MAVS: variants seen among roughly 807,000 people sequenced by gnomAD.
The protein encoded by MAVS is mitochondrial antiviral-signaling protein.
In MAVS, 20 loss-of-function variants were observed where a neutral mutation model predicts 30.2. The observed-to-expected ratio is 0.66, with a 90% CI of 0.47 to 0.96. The LOEUF (loss-of-function observed/expected upper bound fraction) is 0.96, where lower values mean the gene tolerates loss of function less well. MAVS is among the 40% of genes least tolerant of loss of function. MAVS has a pLI of 0.00. For synonymous variants in MAVS, 278 were observed against 293.9 expected (o/e 0.95, Z 0.55); for missense variants, 624 against 701.1 (o/e 0.89, Z 1.24).
Position 3,866,797 on chromosome 20 carries a change from G to A in MAVS, c.*650G>A. ...CAGCTGTCAGGCCTGAGGAAGACCT[G>A]TGGAGCTCCTCTCCAGCCTCCTCTT... On this transcript the variant is annotated 3_prime_UTR_variant, in exon 7 of 7. Transcript: ENST00000428216. 2.3e-6 allele frequency: 1 copy of A among 428,800 alleles called. No homozygotes were observed. The allele number at this position is 428,800 out of a possible 1,614,324, so 26.6% of individuals were successfully genotyped here. A position where few individuals can be genotyped will look rare whatever the true frequency, so the allele number is the denominator to read the frequency against.
intron 3 of MAVS, among the ~76,000 whole-genome samples, chr20:3,859,782 C>G (rs1369891807): frequency 6.6e-6 from 1 of 152,012 alleles, no homozygotes; most frequent in Non-Finnish European, 1.5e-5. Flanking sequence ...TCTGCTCTCA[C>G]CCTCCCACTC....
chr20:3,857,602 G>T (rs1460503464), intron 2 of MAVS, 33 bp from the exon 3 acceptor site: 1 of 1,577,290 alleles, frequency 6.3e-7, no homozygotes, highest in Admixed American at 1.7e-5. Flanking sequence ...GGGCCACCTG[G>T]CTTGAGCAGG....
intron 1 of MAVS, among the ~76,000 whole-genome samples, chr20:3,851,046 C>T (rs1334767693): frequency 3.9e-5 from 6 of 151,908 alleles, no homozygotes; most frequent in Non-Finnish European, 4.4e-5. Context: ...ATTGGCCAGG[C>T]GCGTTGGCTG....
intron 4 of MAVS, 109 bp downstream of exon 4, chr20:3,861,613 A>T: frequency 2.5e-6 from 3 of 1,207,618 alleles, no homozygotes; most frequent in Non-Finnish European, 3.5e-6. Context: ...AATCACGCCT[A>T]ATCTCTGCTC....
intron 1 of MAVS, among the ~76,000 whole-genome samples, chr20:3,851,176 A>C (rs1356988565): frequency 6.6e-6 from 1 of 151,876 alleles, no homozygotes; most frequent in Non-Finnish European, 1.5e-5. Context: ...AAAAATATAA[A>C]AATTATCCAG....
At position 3,864,445 on chromosome 20, in the gene MAVS, G is replaced by T; in HGVS notation, c.815G>T (p.Gly272Val). ...ASAGAAEGKQ[G>V]AESDQAEPII... The stretch of plus-strand genomic sequence containing the variant: ...GCAGGGGCTGCAGAGGGTAAACAGG[G>T]TGCAGAGAGTGACCAGGCCGAGCCT... Residue 272 changes from glycine to valine, a missense_variant, in exon 6 of 7, where the codon GGT (glycine) becomes GTT (valine). Physicochemically the swap from Gly to Val is moderately radical, Grantham distance 109. Coordinates refer to ENST00000428216, the MANE Select transcript of MAVS (RefSeq NM_020746.5). 2.5e-6 allele frequency: 4 copies of T among 1,613,938 alleles called. No individual in the cohort carries two copies. The highest frequency in any genetic ancestry group is 3.4e-6 in the Non-Finnish European group (4 of 1,179,988).
chr20:3,862,746 A>C (rs914294), intron 5 of MAVS, among the ~76,000 whole-genome samples: 1 of 152,062 alleles, frequency 6.6e-6, no homozygotes, highest in South Asian at 2.1e-4. Context: ...CGGTATATAC[A>C]TAAGTTCTGC....
chr20:3,853,078 A>ATCCATCCGCC (rs1277012078), intron 1 of MAVS, among the ~76,000 whole-genome samples: 4 of 149,944 alleles, frequency 2.7e-5, no homozygotes, highest in Non-Finnish European at 5.9e-5. Flanking sequence ...TGACCTCGTG[A>ATCCATCCGCC]TCCATCCGCC....
chr20:3,847,117 A>G (rs900844097), intron 1 of MAVS, among the ~76,000 whole-genome samples: 1 of 152,184 alleles, frequency 6.6e-6, no homozygotes, highest in Non-Finnish European at 1.5e-5. Flanking sequence ...CGCCGCATCC[A>G]GCATCCGGGG....
intron 1 of MAVS, among the ~76,000 whole-genome samples, chr20:3,853,876 C>A (rs920708742): frequency 1.3e-5 from 2 of 152,050 alleles, no homozygotes; most frequent in Non-Finnish European, 2.9e-5. Flanking sequence ...GCAACCTCTG[C>A]CCCCAGGTTC....
chr20:3,864,427 C>T lies in MAVS; in HGVS notation c.797C>T (p.Ala266Val), dbSNP rs759592006. Residue 266 changes from alanine (A) to valine (V), a missense_variant, in exon 6 of 7, where the codon GCT becomes GTT. By Grantham distance (64) the Ala-to-Val change is moderately conservative (BLOSUM62 0). Transcript: ENST00000428216. ...SSSPGLASAG[A>V]AEGKQGAESD... Reference sequence around the variant, plus strand: ...TCCCCTGGCTTGGCCTCTGCAGGGGCTGCAGAGGGTAAACAGGGTGCAGAG... The same window carrying T: ...TCCCCTGGCTTGGCCTCTGCAGGGGTTGCAGAGGGTAAACAGGGTGCAGAG... 2.5e-6 allele frequency: 4 copies of T among 1,613,920 alleles called. No homozygotes were observed. In the Admixed American group the frequency reaches 6.7e-5, roughly 27 times the overall value.
At chr20:3,858,083 C>T (rs565328059) in intron 3 of MAVS, 46 of 501,336 alleles carry the variant, frequency 9.2e-5, no homozygotes, top group African/African-American at 1.7e-4. Flanking sequence ...GGTGATACTG[C>T]GGGACGATGC....
At position 3,848,251 on chromosome 20, in the gene MAVS, A is replaced by G. The variant is rs565720801; in HGVS notation, c.-68+1348A>G. 2.6e-5 allele frequency among the ~76,000 whole-genome samples: 4 copies of G among 151,948 alleles called. 1 individual carries two copies. Among genetic ancestry groups the G allele is most frequent in the South Asian group, 2.1e-4 (1 of 4,812 alleles). On this transcript the variant is annotated intron_variant, in intron 1 of 6. Coordinates refer to ENST00000428216, the MANE Select transcript of MAVS (RefSeq NM_020746.5). ...GTAGCTGGGACTACAGGTGTGTGCCACCATGCCTGGCTAATTTTTGCATTT... is the reference window on the plus strand; with the variant it reads ...GTAGCTGGGACTACAGGTGTGTGCCGCCATGCCTGGCTAATTTTTGCATTT...
rs923175533 is a variant in MAVS, at chr20:3,868,831, C to G, written c.*2684C>G. On this transcript the variant is annotated 3_prime_UTR_variant, in exon 7 of 7. Coordinates refer to ENST00000428216, the MANE Select transcript of MAVS (RefSeq NM_020746.5). Reference sequence around the variant, plus strand: ...GCCAGGAGGCGGAGGTTGTAGTGAGCTGAGATCGCACCACTGCACTCCAGC... The same window carrying G: ...GCCAGGAGGCGGAGGTTGTAGTGAGGTGAGATCGCACCACTGCACTCCAGC... 1 of 152,092 alleles carries G rather than the reference C, an allele frequency of 6.6e-6. No homozygotes were observed. The highest frequency in any genetic ancestry group is 1.5e-5 in the Non-Finnish European group (1 of 68,028). 9.4% of individuals were successfully genotyped at this position (152,092 alleles called of 1,614,324 possible).
rs747295018 is a variant in MAVS, at chr20:3,864,786, G to T, written c.1156G>T (p.Glu386Ter). The T allele has an allele frequency of 1.1e-5, 17 of 1,612,938 alleles. No homozygotes were observed. Among genetic ancestry groups the T allele is most frequent in the Non-Finnish European group, 1.4e-5 (16 of 1,179,388 alleles). The change falls in exon 6 of 7, where the codon GAG becomes TAG. Residue 386 changes from glutamate to a stop codon, truncating the protein, a stop_gained and splice_region_variant. Coordinates refer to ENST00000428216, the MANE Select transcript of MAVS (RefSeq NM_020746.5). LOFTEE classifies it low-confidence loss of function (END_TRUNC). The stretch of plus-strand genomic sequence containing the variant: ...CCCCACTGACGGGAGCAGCAGAAAT[G>T]AGGTGAGTCCTCGCCCTTCCTGGCA... ...TVPTDGSSRNEETPAAPTPAG... is the reference protein window; with the variant it reads ...TVPTDGSSRN
chr20:3,862,370 G>T lies in MAVS; in HGVS notation c.582G>T (p.Gly194=), dbSNP rs770555909. ...CCCTCAGCCCTCTGACCTCCAGCGG[G>T]CATCAGGAGCAGGACACAGAACTGG... ...LAALSPLTSS[G]HQEQDTELGS... Residue 194 remains glycine, a synonymous_variant, in exon 5 of 7, where the codon GGG becomes GGT. Coordinates refer to ENST00000428216, the MANE Select transcript of MAVS (RefSeq NM_020746.5). The T allele has an allele frequency of 3.1e-6, 5 of 1,613,958 alleles. No individual in the cohort carries two copies. Among genetic ancestry groups the T allele is most frequent in the Non-Finnish European group, 4.2e-6 (5 of 1,180,016 alleles).
chr20:3,863,648 C>T (rs6052131), intron 5 of MAVS, among the ~76,000 whole-genome samples: 12,971 of 152,166 alleles, frequency 0.085, 702 homozygotes, highest in East Asian at 0.23. Context: ...TTCCGAGTTC[C>T]GTGGAGAGTC....
chr20:3,862,102 T>C, intron 4 of MAVS, 152 bp from the exon 5 acceptor site: 1 of 796,074 alleles, frequency 1.3e-6, no homozygotes, highest in South Asian at 1.9e-5. Flanking sequence ...ACAGAGGGTC[T>C]GGGAATTACC....
At position 3,866,004 on chromosome 20, in the gene MAVS, A is replaced by G. The variant is rs765767727; in HGVS notation, c.1480A>G (p.Arg494Gly). ...ACCTGCGGACCCGGATGGCGGCCCC[A>G]GGCCACAAGCCGACCGGAAGTTCCA... The part of the protein sequence containing the change: ...GPPADPDGGP[R>G]PQADRKFQER... Residue 494 changes from arginine (R) to glycine (G), a missense_variant, in exon 7 of 7, where the codon AGG (arginine) becomes GGG (glycine). Coordinates refer to ENST00000428216, the MANE Select transcript of MAVS (RefSeq NM_020746.5). 38 of 1,612,924 alleles carry G rather than the reference A, an allele frequency of 2.4e-5. No individual in the cohort carries two copies. In the East Asian group the frequency reaches 8.5e-4, roughly 36 times the overall value.
Sources: gnomAD v4.1 joint callset for allele counts (sites outside exome capture counted in the v4.1 genomes callset) on GRCh38, gnomAD v4.1.1 for gene constraint, MANE v1.5 for transcripts, NCBI Gene and HGNC (gene_info 2026-07-23, HGNC 2026-07-21) for gene names.